The following ANO4 variants were observed in gnomAD, a reference collection of about 807,000 sequenced individuals.
ANO4 encodes the protein anoctamin 4, also known as anoctamin-4.
In ANO4, 69 loss-of-function variants were observed where a neutral mutation model predicts 141.9. That is an observed-to-expected ratio of 0.49 (90% CI 0.40 to 0.59). The LOEUF (loss-of-function observed/expected upper bound fraction) is 0.59. Ranked by LOEUF, ANO4 falls within the 20% of genes least tolerant of loss-of-function variation. ANO4 has a pLI of 0.00. For missense variants in ANO4, 894 were observed against 1,162.2 expected (o/e 0.77, Z 3.36); for synonymous variants, 350 against 394.3 (o/e 0.89, Z 1.33).
intron 1 of ANO4, among the ~76,000 whole-genome samples, chr12:100,822,689 C>T (rs1198023028): frequency 1.3e-5 from 2 of 151,970 alleles, no homozygotes; most frequent in African/African-American, 4.8e-5. Context: ...TAAATCTGAT[C>T]AGCCATGGCT....
At chr12:100,776,892 A>G (rs966157920) in intron 3 of ANO4, among the ~76,000 whole-genome samples, 1 of 152,122 alleles carries the variant, frequency 6.6e-6, no homozygotes, top group Non-Finnish European at 1.5e-5. Context: ...GAATATGAGG[A>G]AATATGCAGG....
intron 8 of ANO4, among the ~76,000 whole-genome samples, chr12:101,004,227 T>TA (rs1273284459): frequency 6.6e-6 from 1 of 152,020 alleles, no homozygotes; most frequent in Non-Finnish European, 1.5e-5. Context: ...GTGAAGCAGC[T>TA]ACTGCCTCTA....
intron 14 of ANO4, among the ~76,000 whole-genome samples, chr12:101,064,425 T>C (rs2048485567): frequency 6.6e-6 from 1 of 152,162 alleles, no homozygotes; most frequent in African/African-American, 2.4e-5. Flanking sequence ...CACAGTATGA[T>C]ATCTTGGAAA....
At chr12:100,760,121 T>C (rs1456859621) in intron 3 of ANO4, among the ~76,000 whole-genome samples, 2 of 152,172 alleles carry the variant, frequency 1.3e-5, no homozygotes, top group Non-Finnish European at 1.5e-5. Flanking sequence ...TCTTACTTCA[T>C]TGCCTCTATT....
In ANO4 at chr12:100,820,453, A is replaced by C. The variant is rs529989538; in HGVS notation, c.-141+25426A>C. 2.0e-5 allele frequency among the ~76,000 whole-genome samples: 3 copies of C among 151,916 alleles called. No homozygotes were observed. In the South Asian group the frequency reaches 6.2e-4, roughly 32 times the overall value. On this transcript the variant is annotated intron_variant, in intron 1 of 27. Coordinates refer to ENST00000392977, the MANE Select transcript of ANO4 (RefSeq NM_001286615.2). ...AGGGAATGATTACACAACATTTTTA[A>C]AAACTCTGTGTTGAAATGTATTTGT... is the stretch of plus-strand genomic sequence containing the variant.
At position 100,817,336 on chromosome 12, in the gene ANO4, T is replaced by C. The variant is rs565985901; in HGVS notation, c.-141+22309T>C. On this transcript the variant is annotated intron_variant, in intron 1 of 27. Coordinates refer to ENST00000392977, the MANE Select transcript of ANO4 (RefSeq NM_001286615.2). ...TAACTGGTTTCCAGCAGACACAACC[T>C]AGAGTAATCCCTGCCTAGGCTTAGC... Among the ~76,000 whole-genome samples, 11 of 151,968 alleles carry C rather than the reference T, an allele frequency of 7.2e-5. No individual in the cohort carries two copies. The East Asian group carries it at 1.5e-3, about 21-fold the overall frequency.
chr12:100,936,763 G>A (rs2042303853), intron 3 of ANO4, among the ~76,000 whole-genome samples: 1 of 152,120 alleles, frequency 6.6e-6, no homozygotes, highest in Admixed American at 6.6e-5. Flanking sequence ...CCAGAGTCTA[G>A]CTAGAATCGA....
intron 5 of ANO4, among the ~76,000 whole-genome samples, chr12:100,956,052 A>G (rs1346600275): frequency 6.6e-6 from 1 of 152,238 alleles, no homozygotes. Context: ...TTGACATCAG[A>G]TACAATTGTT....
chr12:100,934,679 G>A (rs1471989943), intron 3 of ANO4, among the ~76,000 whole-genome samples: 1 of 152,044 alleles, frequency 6.6e-6, no homozygotes, highest in African/African-American at 2.4e-5. Context: ...AATTACCTTG[G>A]GCAGTATGGC....
chr12:100,745,600 C>T (rs891251710), intron 3 of ANO4, among the ~76,000 whole-genome samples: 5 of 151,982 alleles, frequency 3.3e-5, no homozygotes, highest in African/African-American at 1.2e-4. Context: ...AGAAATTACC[C>T]CATTATCAGT....
intron 3 of ANO4, among the ~76,000 whole-genome samples, chr12:100,923,837 T>C (rs934628928): frequency 2.6e-5 from 4 of 152,186 alleles, no homozygotes; most frequent in Non-Finnish European, 4.4e-5. Flanking sequence ...TTCTAACTTG[T>C]GTTAGATGGT....
At position 100,909,159 on chromosome 12, in the gene ANO4, C is replaced by T. The variant is rs75393386; in HGVS notation, c.55+7319C>T. On this transcript the variant is annotated intron_variant, in intron 2 of 27. Transcript: ENST00000392977. ...AAAGAGCCAGCCTTGGAAAAGGAAT[C>T]GAGAAATCAAGAATAGCTATTTGAT... 8.5e-5 allele frequency among the ~76,000 whole-genome samples: 13 copies of T among 152,248 alleles called. No individual in the cohort carries two copies. In the East Asian group the frequency reaches 1.4e-3, roughly 16 times the overall value.
intron 2 of ANO4, 112 bp from the exon 3 acceptor site, chr12:100,922,114 G>A (rs2041660518): frequency 4.6e-6 from 3 of 645,564 alleles, no homozygotes; most frequent in Non-Finnish European, 7.0e-6. Context: ...AGGATCATTG[G>A]CAAACCAGCT....
intron 1 of ANO4, among the ~76,000 whole-genome samples, chr12:100,799,672 C>T (rs201478489): frequency 1.3e-5 from 2 of 152,074 alleles, no homozygotes; most frequent in Non-Finnish European, 2.9e-5. Flanking sequence ...ACCCAGGAGG[C>T]GGAGGTTGCA....
chr12:101,082,606 C>T (rs953680954), intron 15 of ANO4, among the ~76,000 whole-genome samples: 2 of 152,224 alleles, frequency 1.3e-5, no homozygotes, highest in African/African-American at 4.8e-5. Context: ...CCTAATGTAT[C>T]TCCTGCTGAT....
chr12:100,922,448 G>A (rs945350661), intron 3 of ANO4, 118 bp downstream of exon 3: 4 of 666,738 alleles, frequency 6.0e-6, no homozygotes, highest in Non-Finnish European at 2.4e-6. Flanking sequence ...ACAAAATGAT[G>A]TCTTGAAAGA....
At chr12:100,827,292 G>T (rs1046798561) in intron 1 of ANO4, among the ~76,000 whole-genome samples, 1 of 151,908 alleles carries the variant, frequency 6.6e-6, no homozygotes, top group Non-Finnish European at 1.5e-5. Flanking sequence ...GCGATTCCCT[G>T]TGCCAATACA....
Position 100,855,443 on chromosome 12 carries a change from A to T in ANO4, c.-140-46203A>T, listed in dbSNP as rs1049805852. Among the ~76,000 whole-genome samples, 4 of 152,290 alleles carry T rather than the reference A, an allele frequency of 2.6e-5. No homozygotes were observed. The South Asian group carries it at 8.3e-4, about 32-fold the overall frequency. ...TTTATTCATAGGGTGCTGTTGTTAC[A>T]ATCATGCCATATATTTAATTTTGTG... On this transcript the variant is annotated intron_variant, in intron 1 of 27. Coordinates refer to ENST00000392977, the MANE Select transcript of ANO4 (RefSeq NM_001286615.2).
intron 3 of ANO4, among the ~76,000 whole-genome samples, chr12:100,780,428 T>C (rs1354224166): frequency 3.3e-5 from 5 of 152,236 alleles, no homozygotes; most frequent in Admixed American, 2.6e-4. Flanking sequence ...GCTGTATTTA[T>C]ACCTACTTTT....
Sources: gnomAD v4.1 joint callset for allele counts (sites outside exome capture counted in the v4.1 genomes callset) on GRCh38, gnomAD v4.1.1 for gene constraint, MANE v1.5 for transcripts, NCBI Gene and HGNC (gene_info 2026-07-23, HGNC 2026-07-21) for gene names.